Variants in DMD observed in about 807,000 individuals in gnomAD.
DMD encodes the protein mutant dystrophin.
DMD carries 63 observed loss-of-function variants against 330.1 expected under a neutral mutation model. That is an observed-to-expected ratio of 0.19 (90% CI 0.16 to 0.24). The LOEUF (loss-of-function observed/expected upper bound fraction) is 0.24, where lower values mean the gene tolerates loss of function less well. DMD is among the 10% of genes least tolerant of loss of function. DMD has a pLI of 1.00. For synonymous variants in DMD, 1,223 were observed against 959.8 expected (o/e 1.27, Z -5.07); for missense variants, 3,344 against 2,684.1 (o/e 1.25, Z -5.43).
chrX:32,856,327 G>A (rs145580721), intron 2 of DMD, among the ~76,000 whole-genome samples: 1,624 of 111,924 alleles, frequency 0.015, 27 homozygotes, highest in African/African-American at 0.05. Flanking sequence ...CAAAAGAAAG[G>A]AAATCAGTTT....
At chrX:32,593,197 C>A (rs2149252865) in intron 13 of DMD, among the ~76,000 whole-genome samples, 1 of 112,395 alleles carries the variant, frequency 8.9e-6, no homozygotes, top group South Asian at 3.7e-4. Flanking sequence ...CAAAGTGACA[C>A]CCAAGGATCC....
intron 9 of DMD, among the ~76,000 whole-genome samples, chrX:32,656,943 C>A (rs904237895): frequency 1.8e-5 from 2 of 110,646 alleles, no homozygotes; most frequent in African/African-American, 6.6e-5. Flanking sequence ...CCCAATATTC[C>A]TATTCATATT....
intron 7 of DMD, among the ~76,000 whole-genome samples, chrX:32,761,844 T>C (rs1294376297): frequency 9.0e-6 from 1 of 111,124 alleles, no homozygotes; most frequent in African/African-American, 3.3e-5. Context: ...AACTATCTGT[T>C]CACATACTTA....
chrX:31,709,354 G>T (rs761471727), intron 52 of DMD, among the ~76,000 whole-genome samples: 1 of 111,554 alleles, frequency 9.0e-6, no homozygotes, highest in Non-Finnish European at 1.9e-5. Flanking sequence ...TCTAAGAACT[G>T]GGTCTTTAAC....
chrX:31,758,404 C>A (rs775048284), intron 51 of DMD, among the ~76,000 whole-genome samples: 5 of 111,263 alleles, frequency 4.5e-5, no homozygotes, highest in Non-Finnish European at 9.4e-5. Context: ...GTCTGAACAC[C>A]TCTCAACAGA....
intron 1 of DMD, among the ~76,000 whole-genome samples, chrX:33,152,075 T>C (rs2048304654): frequency 8.9e-6 from 1 of 111,753 alleles, no homozygotes; most frequent in Admixed American, 9.6e-5. Context: ...TTTGTATGTT[T>C]TGTTTTTATA....
intron 1 of DMD, among the ~76,000 whole-genome samples, chrX:33,302,182 C>G (rs1189100311): frequency 1.8e-5 from 2 of 111,514 alleles, no homozygotes; most frequent in Admixed American, 1.9e-4. Context: ...ACTTAGGTTG[C>G]TGGTCATTTC....
intron 37 of DMD, among the ~76,000 whole-genome samples, chrX:32,357,311 A>G (rs2097805304): frequency 9.0e-6 from 1 of 111,540 alleles, no homozygotes; most frequent in Non-Finnish European, 1.9e-5. Flanking sequence ...ACCTCTAAAT[A>G]TCTCCGCAGC....
intron 55 of DMD, among the ~76,000 whole-genome samples, chrX:31,545,235 C>A (rs776128409): frequency 1.1e-3 from 120 of 112,137 alleles, no homozygotes; most frequent in African/African-American, 3.8e-3. Context: ...CAGCTGGCAG[C>A]CCATTCCTTC....
At chrX:32,608,276 T>G (rs1036545118) in intron 12 of DMD, among the ~76,000 whole-genome samples, 1 of 110,497 alleles carries the variant, frequency 9.1e-6, no homozygotes, top group Non-Finnish European at 1.9e-5. Context: ...ATAGAATTCT[T>G]ATGGGATATT....
At chrX:31,625,889 G>C (rs1245305232) in intron 55 of DMD, among the ~76,000 whole-genome samples, 1 of 111,735 alleles carries the variant, frequency 8.9e-6, no homozygotes, top group Admixed American at 9.6e-5. Flanking sequence ...ATTTTTCAAA[G>C]TAATCTGCTA....
At chrX:32,083,344 G>T (rs1225811953) in intron 44 of DMD, among the ~76,000 whole-genome samples, 6 of 108,571 alleles carry the variant, frequency 5.5e-5, no homozygotes, top group African/African-American at 1.7e-4. Context: ...GCAGGATCTC[G>T]GCTACCGGGT....
chrX:32,589,187 G>A (rs775873051), intron 13 of DMD, among the ~76,000 whole-genome samples: 14 of 111,289 alleles, frequency 1.3e-4, no homozygotes, highest in Non-Finnish European at 2.3e-4. Flanking sequence ...TTAAATAATC[G>A]CCCACTCTAC....
chrX:33,242,667 C>T (rs1603424138), intron 1 of DMD, among the ~76,000 whole-genome samples: 1 of 111,842 alleles, frequency 8.9e-6, no homozygotes, highest in Non-Finnish European at 1.9e-5. Flanking sequence ...AAGGAATCTC[C>T]ACACTGTTTT....
chrX:31,735,610 G>A (rs1228512549), intron 51 of DMD, among the ~76,000 whole-genome samples: 1 of 112,206 alleles, frequency 8.9e-6, no homozygotes, highest in Non-Finnish European at 1.9e-5. Flanking sequence ...TAGGGTGCAT[G>A]ACCATTATTT....
At chrX:33,128,655 A>C in intron 1 of DMD, among the ~76,000 whole-genome samples, 1 of 112,107 alleles carries the variant, frequency 8.9e-6, no homozygotes, top group East Asian at 2.8e-4. Context: ...TGAACTCGAC[A>C]GTGCACTCAT....
At chrX:31,327,111 G>T (rs2056837196) in intron 61 of DMD, among the ~76,000 whole-genome samples, 1 of 111,912 alleles carries the variant, frequency 8.9e-6, no homozygotes. Flanking sequence ...TAATTCCAGG[G>T]CAGCTTTGTG....
intron 51 of DMD, among the ~76,000 whole-genome samples, chrX:31,734,125 T>C (rs1282880753): frequency 1.8e-5 from 2 of 111,243 alleles, no homozygotes; most frequent in East Asian, 5.6e-4. Flanking sequence ...GATTCACCAT[T>C]TGTTAACATT....
chrX:32,849,684 TCTA>T (rs759117392), intron 3 of DMD, 41 bp downstream of exon 3: 23 of 979,121 alleles, frequency 2.3e-5, no homozygotes, highest in Non-Finnish European at 3.2e-5. Flanking sequence ...GGTCTGAAAT[TCTA>T]CTAAGTTTAA....
Sources: allele counts gnomAD v4.1 joint callset (sites outside exome capture counted in the v4.1 genomes callset), GRCh38; gene constraint gnomAD v4.1.1; transcripts MANE v1.5; gene names NCBI Gene and HGNC (gene_info 2026-07-23, HGNC 2026-07-21).